The following TAB1 variants were observed in gnomAD, a reference collection of about 807,000 sequenced individuals.
The protein encoded by TAB1 is TGF-beta-activated kinase 1 and MAP3K7-binding protein 1.
In TAB1, 30 loss-of-function variants were observed where a neutral mutation model predicts 54.5. That is an observed-to-expected ratio of 0.55 (90% CI 0.41 to 0.75). The LOEUF is 0.75. Ranked by LOEUF, TAB1 falls within the 30% of genes least tolerant of loss-of-function variation. The probability of loss-of-function intolerance (pLI) is 0.00; values close to 1 mark genes in which losing one functional copy is unlikely to be tolerated. For synonymous variants in TAB1, 289 were observed against 286.9 expected (o/e 1.01, Z -0.07); for missense variants, 609 against 683.2 (o/e 0.89, Z 1.21).
At position 39,430,526 on chromosome 22, in the gene TAB1, G is replaced by C. The variant is rs974808595; in HGVS notation, c.*304G>C. ...ACCGCAGTGGGCCTGCAAGCCGCCC[G>C]AGCCTCCCCAGCAGCCTCCTACAGA... On this transcript the variant is annotated 3_prime_UTR_variant, in exon 11 of 11. Coordinates refer to ENST00000216160, the MANE Select transcript of TAB1 (RefSeq NM_006116.3). The C allele has an allele frequency of 7.8e-7, 1 of 1,276,932 alleles. No homozygotes were observed. Among genetic ancestry groups the C allele is most frequent in the Non-Finnish European group, 1.0e-6 (1 of 999,866 alleles). The allele number at this position is 1,276,932 out of a possible 1,614,324, so 79.1% of individuals were successfully genotyped here. A position where few individuals can be genotyped will look rare whatever the true frequency, so the allele number is the denominator to read the frequency against.
At chr22:39,412,329 T>C (rs538489053) in intron 1 of TAB1, among the ~76,000 whole-genome samples, 1 of 152,250 alleles carries the variant, frequency 6.6e-6, no homozygotes, top group East Asian at 1.9e-4. Flanking sequence ...CGTGAGCCAC[T>C]GCACCTGGCG....
chr22:39,433,151 C>G, downstream of TAB1: 1 of 985,380 alleles, frequency 1.0e-6, no homozygotes, highest in Non-Finnish European at 1.2e-6. Context: ...CCCACTCATT[C>G]CTTAAAGACA....
chr22:39,431,928 A>G, downstream of TAB1: 1 of 957,680 alleles, frequency 1.0e-6, no homozygotes. Context: ...GGCCCTGGGA[A>G]GTGGACGCCT....
chr22:39,432,706 C>G, downstream of TAB1: 5 of 980,162 alleles, frequency 5.1e-6, no homozygotes, highest in Non-Finnish European at 6.1e-6. Context: ...CAGTCCTGGT[C>G]ACAAGTGGCC....
chr22:39,399,856 CTG>C, intron 1 of TAB1, 21 bp downstream of exon 1: 1 of 1,589,652 alleles, frequency 6.3e-7, no homozygotes, highest in Non-Finnish European at 8.6e-7. Flanking sequence ...GGCCCGCTCT[CTG>C]GGCTTGGGGT....
chr22:39,419,617 A>G lies in TAB1; in HGVS notation c.763A>G (p.Ile255Val). Residue 255 changes from isoleucine to valine, a missense_variant, in exon 7 of 11, where the codon ATT becomes GTT. Ile to Val is a conservative substitution (Grantham distance 29, BLOSUM62 3). Transcript: ENST00000216160. ...DYKVKYGYTD[I>V]DLLSAAKSKP... is the part of the protein sequence containing the mutation. ...CAAGGTTAAATATGGCTACACGGAC[A>G]TTGACCTTCTCAGGTAGGTGCCAGC... 6.8e-6 allele frequency: 11 copies of G among 1,610,084 alleles called. No homozygotes were observed. Among genetic ancestry groups the G allele is most frequent in the African/African-American group, 1.3e-5 (1 of 74,938 alleles).
At chr22:39,413,749 A>G (rs929226557) in intron 1 of TAB1, among the ~76,000 whole-genome samples, 7 of 152,224 alleles carry the variant, frequency 4.6e-5, no homozygotes, top group Non-Finnish European at 5.9e-5. Flanking sequence ...TTTCCTTGAA[A>G]TTGAACTGTG....
At chr22:39,422,605 AC>A (rs1927145259) in intron 8 of TAB1, among the ~76,000 whole-genome samples, 1 of 151,694 alleles carries the variant, frequency 6.6e-6, no homozygotes, top group Non-Finnish European at 1.5e-5. Flanking sequence ...ACAGGGTTTC[AC>A]CAGGCTGGTC....
chr22:39,423,690 AT>A (rs1325826900), intron 8 of TAB1, among the ~76,000 whole-genome samples: 4 of 151,844 alleles, frequency 2.6e-5, no homozygotes, highest in African/African-American at 9.7e-5. Context: ...AGGTACCAGT[AT>A]TTTTTTGTTA....
At chr22:39,432,645 A>T, downstream of TAB1, 1 of 382,454 alleles carries the variant, frequency 2.6e-6, no homozygotes, top group Non-Finnish European at 3.6e-6. Context: ...CTGCCACCCG[A>T]GAGAGAGAGA....
chr22:39,434,730 T>C (rs1927722254), downstream of TAB1, among the ~76,000 whole-genome samples: 1 of 152,232 alleles, frequency 6.6e-6, no homozygotes, highest in African/African-American at 2.4e-5. Context: ...CCCCAGGTTG[T>C]GTGACCAGTC....
rs375073159 is a variant in TAB1 at position 39,415,695 on chromosome 22, C to A, written c.324+42C>A. 1 of 1,588,224 alleles carries A rather than the reference C, an allele frequency of 6.3e-7. No homozygotes were observed. Among genetic ancestry groups the A allele is most frequent in the Non-Finnish European group, 8.5e-7 (1 of 1,169,990 alleles). Reference sequence around the variant, plus strand: ...CAACAGTGACCCAGCCACATCATGTCCCCCACCCCAAGGCTTGGGCCCTGC... The same window carrying A: ...CAACAGTGACCCAGCCACATCATGTACCCCACCCCAAGGCTTGGGCCCTGC... On this transcript the variant is annotated intron_variant, in intron 3 of 10. Coordinates refer to ENST00000216160, the MANE Select transcript of TAB1 (RefSeq NM_006116.3). The surrounding 1 kb of genome is among the most constrained non-coding windows in gnomAD (Gnocchi z 4.9).
At chr22:39,433,455 GAA>G (rs11454588), downstream of TAB1, 7 of 876,888 alleles carry the variant, frequency 8.0e-6, no homozygotes, top group African/African-American at 5.6e-5. Flanking sequence ...CCTGTCTCAA[GAA>G]AAAAAAAAAA....
chr22:39,406,060 G>A lies in TAB1; in HGVS notation c.33+6225G>A, dbSNP rs149091357. Among the ~76,000 whole-genome samples the A allele has an allele frequency of 5.9e-5, 9 of 152,156 alleles. No individual in the cohort carries two copies. In the East Asian group the frequency reaches 1.5e-3, roughly 26 times the overall value. The stretch of plus-strand genomic sequence containing the variant: ...CTTGTAACATACCAACTCCAGAGAC[G>A]TTAACATGTGGAAAATGTAGGTCTT... On this transcript the variant is annotated intron_variant, in intron 1 of 10. Coordinates refer to ENST00000216160, the MANE Select transcript of TAB1 (RefSeq NM_006116.3).
intron 1 of TAB1, among the ~76,000 whole-genome samples, chr22:39,408,125 A>T (rs555309253): frequency 9.8e-5 from 15 of 152,370 alleles, no homozygotes; most frequent in African/African-American, 3.6e-4. Context: ...CAGTTTATAA[A>T]ATAATAAATT....
chr22:39,413,732 A>G (rs916820032), intron 1 of TAB1, among the ~76,000 whole-genome samples: 2 of 152,094 alleles, frequency 1.3e-5, no homozygotes, highest in African/African-American at 4.8e-5. Context: ...GCCAATACAA[A>G]TTTTATTTTC....
chr22:39,401,434 G>A (rs1208754193), intron 1 of TAB1, among the ~76,000 whole-genome samples: 1 of 152,210 alleles, frequency 6.6e-6, no homozygotes, highest in Non-Finnish European at 1.5e-5. Flanking sequence ...AGAGGGCAAG[G>A]TCCCTGTATA....
At chr22:39,436,020 G>A (rs1406178928), downstream of TAB1, among the ~76,000 whole-genome samples, 3 of 152,224 alleles carry the variant, frequency 2.0e-5, no homozygotes, top group Admixed American at 6.5e-5. Flanking sequence ...GGCTGGGCAC[G>A]GTGGCTCACG....
Position 39,415,722 on chromosome 22 carries a change from C to T in TAB1, c.324+69C>T, listed in dbSNP as rs1246483476. ...CCCACCCCAAGGCTTGGGCCCTGCACCTCTAGCATGTTGCCAGGGTTGGTG... is the reference window on the plus strand; with the variant it reads ...CCCACCCCAAGGCTTGGGCCCTGCATCTCTAGCATGTTGCCAGGGTTGGTG... On this transcript the variant is annotated intron_variant, in intron 3 of 10. Transcript: ENST00000216160. This position sits in a 1 kb window ranked among gnomAD's most constrained non-coding sequence, Gnocchi z 4.9. The T allele has an allele frequency of 6.5e-6, 10 of 1,545,612 alleles. No individual in the cohort carries two copies. The highest frequency in any genetic ancestry group is 7.9e-6 in the Non-Finnish European group (9 of 1,145,156).
Sources: allele counts gnomAD v4.1 joint callset (sites outside exome capture counted in the v4.1 genomes callset), GRCh38; gene constraint gnomAD v4.1.1; non-coding constraint Gnocchi (gnomAD v3.1); transcripts MANE v1.5; gene names NCBI Gene and HGNC (gene_info 2026-07-23, HGNC 2026-07-21).